Variants in TACC1 observed in about 807,000 individuals in gnomAD.
The protein encoded by TACC1 is transforming acidic coiled-coil-containing protein 1.
A neutral mutation model predicts 84.4 loss-of-function variants in TACC1; 48 were observed. That is an observed-to-expected ratio of 0.57 (90% confidence interval 0.45 to 0.72). The LOEUF (loss-of-function observed/expected upper bound fraction) is 0.72. Ranked by LOEUF, TACC1 falls within the 30% of genes least tolerant of loss-of-function variation. The pLI is 0.00. For missense variants in TACC1, 920 were observed against 973.0 expected, an observed-to-expected ratio of 0.95 and a Z score of 0.72; for synonymous variants, 372 against 376.3, an observed-to-expected ratio of 0.99 and a Z score of 0.13.
At chr8:38,801,250 T>C (rs1217054983) in intron 2 of TACC1, among the ~76,000 whole-genome samples, 4 of 152,240 alleles carry the variant, frequency 2.6e-5, no homozygotes, top group Non-Finnish European at 5.9e-5. Context: ...AGTTTACTTG[T>C]TTTGTCTCTT....
At chr8:38,815,176 G>T (rs1484978170) in intron 2 of TACC1, among the ~76,000 whole-genome samples, 1 of 152,296 alleles carries the variant, frequency 6.6e-6, no homozygotes, top group East Asian at 1.9e-4. Flanking sequence ...CTTGTATAGG[G>T]TTTTCAAGAT....
At chr8:38,813,380 T>A (rs1370631995) in intron 2 of TACC1, among the ~76,000 whole-genome samples, 1 of 152,142 alleles carries the variant, frequency 6.6e-6, no homozygotes, top group Non-Finnish European at 1.5e-5. Flanking sequence ...TTCGACAGAT[T>A]TGGTAAAATC....
Position 38,788,773 on chromosome 8 carries a change from C to CT in TACC1, c.232dup (p.Cys78LeufsTer2). The CT allele has an allele frequency of 1.2e-6, 2 of 1,613,906 alleles. No individual in the cohort carries two copies. Among genetic ancestry groups the CT allele is most frequent in the Non-Finnish European group, 1.7e-6 (2 of 1,179,882 alleles). On this transcript the variant is annotated frameshift_variant, in exon 2 of 13. Transcript: ENST00000317827. LOFTEE classifies it high-confidence loss of function. ...CGATCCGATCACCTTTCAAGGAGTCCTGTGATCCATCACTCGGATTGGCAG... is the reference window on the plus strand; with the variant it reads ...CGATCCGATCACCTTTCAAGGAGTCCTTGTGATCCATCACTCGGATTGGCAG...
At chr8:38,767,099 T>G (rs2151853888) in intron 3 of TACC1, among the ~76,000 whole-genome samples, 1 of 152,362 alleles carries the variant, frequency 6.6e-6, no homozygotes, top group South Asian at 2.1e-4. Context: ...TGAAGTATTT[T>G]TGTCTATGAG....
At chr8:38,796,520 T>C (rs1563558284) in intron 2 of TACC1, among the ~76,000 whole-genome samples, 2 of 152,242 alleles carry the variant, frequency 1.3e-5, no homozygotes. Context: ...CATATTATTC[T>C]GAAGTATGAA....
At chr8:38,812,860 T>C (rs1824547201) in intron 2 of TACC1, among the ~76,000 whole-genome samples, 1 of 152,222 alleles carries the variant, frequency 6.6e-6, no homozygotes, top group African/African-American at 2.4e-5. Flanking sequence ...TTTTGCTTGC[T>C]GTTACGTCCC....
At position 38,765,187 on chromosome 8, in the gene TACC1, T is replaced by G. The variant is rs544383633; in HGVS notation, c.26+19694T>G. Among the ~76,000 whole-genome samples, 6 of 152,090 alleles carry G rather than the reference T, an allele frequency of 3.9e-5. No individual in the cohort carries two copies. The South Asian group carries it at 1.0e-3, about 26-fold the overall frequency. The stretch of plus-strand genomic sequence containing the variant: ...TCTTTTTTTTTTTAATGTGTAATTT[T>G]ATTTCTGCCTCATTAAACCTCCTCT... On this transcript the variant is annotated intron_variant, in intron 3 of 14. Coordinates refer to the TACC1 transcript ENST00000518415.
rs1241680263 is a variant in TACC1, at chr8:38,852,283, A to T, written c.*4260A>T. 2 of 229,676 alleles carry T rather than the reference A, an allele frequency of 8.7e-6. No individual in the cohort carries two copies. Among genetic ancestry groups the T allele is most frequent in the East Asian group, 1.0e-4 (1 of 9,804 alleles). 14.2% of individuals were successfully genotyped at this position (229,676 alleles called of 1,614,324 possible). On this transcript the variant is annotated 3_prime_UTR_variant, in exon 13 of 13. Transcript: ENST00000317827. The stretch of plus-strand genomic sequence containing the variant: ...TTATATAAATATATATTCTGGTTAT[A>T]GTTCTAATATGGAGATGTTGTGTGC...
chr8:38,806,499 GGAGA>G (rs1314776220), intron 2 of TACC1, among the ~76,000 whole-genome samples: 1 of 151,392 alleles, frequency 6.6e-6, no homozygotes, highest in East Asian at 1.9e-4. Context: ...AGAGAGAGAG[GGAGA>G]GAGAGAGAAA....
At chr8:38,814,349 A>G (rs1174964322) in intron 2 of TACC1, among the ~76,000 whole-genome samples, 1 of 152,184 alleles carries the variant, frequency 6.6e-6, no homozygotes, top group East Asian at 1.9e-4. Flanking sequence ...TTCACCATAT[A>G]ATGATGTTTT....
At chr8:38,806,839 C>CT (rs1233377548) in intron 2 of TACC1, among the ~76,000 whole-genome samples, 1 of 152,158 alleles carries the variant, frequency 6.6e-6, no homozygotes, top group Non-Finnish European at 1.5e-5. Context: ...TAGCCTCAGA[C>CT]TCCACAGGCT....
chr8:38,772,953 G>T (rs561031986), intron 3 of TACC1, among the ~76,000 whole-genome samples: 2 of 152,120 alleles, frequency 1.3e-5, no homozygotes, highest in East Asian at 1.9e-4. Context: ...TAATATTAAG[G>T]TTTAATAATT....
intron 3 of TACC1, among the ~76,000 whole-genome samples, chr8:38,758,377 A>T (rs372878980): frequency 3.3e-4 from 50 of 152,288 alleles, no homozygotes; most frequent in African/African-American, 1.1e-3. Flanking sequence ...CAGGCAGCTT[A>T]TTAATAAGAA....
chr8:38,845,431 G>C (rs892396512), intron 11 of TACC1, among the ~76,000 whole-genome samples: 1 of 151,764 alleles, frequency 6.6e-6, no homozygotes, highest in African/African-American at 2.4e-5. Context: ...TCGTTTCTTT[G>C]TGTCTTTATA....
intron 3 of TACC1, among the ~76,000 whole-genome samples, chr8:38,755,507 A>G (rs1019240007): frequency 1.3e-5 from 2 of 152,020 alleles, no homozygotes; most frequent in Non-Finnish European, 2.9e-5. Flanking sequence ...GTTTGAGACC[A>G]GCCTGGGCAA....
intron 2 of TACC1, chr8:38,802,057 A>G (rs1821504784): frequency 6.6e-6 from 1 of 152,252 alleles, no homozygotes; most frequent in South Asian, 2.1e-4. Context: ...TCACAGGCGC[A>G]TGCCACCACG....
rs146558085 is a variant in TACC1, at chr8:38,738,058, T to G, written c.-674-4293T>G. On this transcript the variant is annotated intron_variant, in intron 1 of 14. Transcript: ENST00000518415. ...CCATTCTTTAAGGGAGGTAATGATATTCTAGAGATCTTCCTGTAGTTCCTG... is the reference window on the plus strand; with the variant it reads ...CCATTCTTTAAGGGAGGTAATGATAGTCTAGAGATCTTCCTGTAGTTCCTG... 6.5e-3 allele frequency among the ~76,000 whole-genome samples: 990 copies of G among 152,118 alleles called. 11 individuals carry two copies. The highest frequency in any genetic ancestry group is 9.7e-3 in the Non-Finnish European group (658 of 67,978).
At chr8:38,846,592 T>C in intron 11 of TACC1, 107 bp from the exon 12 acceptor site, 1 of 1,339,566 alleles carries the variant, frequency 7.5e-7, no homozygotes, top group Admixed American at 2.5e-5. Flanking sequence ...GTCAATTCTT[T>C]GAGGCCTGTG....
Position 38,848,139 on chromosome 8 carries a change from AAAAG to A in TACC1, c.*117_*120del. On this transcript the variant is annotated 3_prime_UTR_variant, in exon 13 of 13. Transcript: ENST00000317827. ...TTGCAGAGAAAAAAAAAAACTTAAA[AAAAG>A]CACATGCCTACTGCTGCCTGTCCCG... The A allele has an allele frequency of 4.1e-6, 4 of 965,822 alleles. No homozygotes were observed. Among genetic ancestry groups the A allele is most frequent in the Non-Finnish European group, 6.2e-6 (4 of 648,988 alleles). 59.8% of individuals were successfully genotyped at this position (965,822 alleles called of 1,614,324 possible).
Sources: gnomAD v4.1 joint callset for allele counts (sites outside exome capture counted in the v4.1 genomes callset) on GRCh38, gnomAD v4.1.1 for gene constraint, MANE v1.5 for transcripts, NCBI Gene and HGNC (gene_info 2026-07-23, HGNC 2026-07-21) for gene names.